MFF: variants seen among roughly 807,000 people sequenced by gnomAD.
The protein encoded by MFF is mitochondrial fission factor.
A neutral mutation model predicts 36.9 loss-of-function variants in MFF; 12 were observed. That is an observed-to-expected ratio of 0.33 (90% CI 0.21 to 0.53). The LOEUF (loss-of-function observed/expected upper bound fraction) is 0.53, where lower values mean the gene tolerates loss of function less well. Among genes scored for constraint, MFF ranks in the 20% least tolerant of loss-of-function variants. The pLI, the probability that MFF is intolerant of heterozygous loss-of-function variation, is 0.95. For synonymous variants in MFF, 99 were observed against 126.2 expected, an observed-to-expected ratio of 0.78 and a Z score of 1.44; for missense variants, 348 against 366.6, an observed-to-expected ratio of 0.95 and a Z score of 0.42.
At chr2:227,356,206 C>T (rs1253142810) in intron 8 of MFF, among the ~76,000 whole-genome samples, 1 of 152,196 alleles carries the variant, frequency 6.6e-6, no homozygotes, top group African/African-American at 2.4e-5. Context: ...AATATGTACT[C>T]CCACAGCCTC....
At chr2:227,355,517 A>T in intron 7 of MFF, 160 bp from the exon 8 acceptor site, 1 of 404,680 alleles carries the variant, frequency 2.5e-6, no homozygotes. Context: ...TCTTTCCTTT[A>T]TTAGTACAAA....
intron 4 of MFF, 82 bp downstream of exon 4, chr2:227,332,670 CT>C: frequency 2.0e-6 from 2 of 1,013,038 alleles, no homozygotes; most frequent in Non-Finnish European, 2.9e-6. Flanking sequence ...TTTATCATAT[CT>C]TTAGCAATAT....
Position 227,339,064 on chromosome 2 carries a change from C to T in MFF, c.352-1228C>T, listed in dbSNP as rs548440779. Among the ~76,000 whole-genome samples the T allele has an allele frequency of 3.5e-4, 53 of 151,480 alleles. No individual in the cohort carries two copies. In the South Asian group the frequency reaches 0.01, roughly 29 times the overall value. Reference sequence around the variant, plus strand: ...ACAAAATACAAAAATTAGCCAGGTGCGGTGGTGTGTGCCTATAGTCCCAGC... The same window carrying T: ...ACAAAATACAAAAATTAGCCAGGTGTGGTGGTGTGTGCCTATAGTCCCAGC... On this transcript the variant is annotated intron_variant, in intron 4 of 8. Coordinates refer to ENST00000304593, the MANE Select transcript of MFF (RefSeq NM_001277062.2).
At chr2:227,333,122 AC>A (rs1246356320) in intron 4 of MFF, among the ~76,000 whole-genome samples, 1 of 152,208 alleles carries the variant, frequency 6.6e-6, no homozygotes, top group African/African-American at 2.4e-5. Flanking sequence ...CTTACAGCTA[AC>A]CTTTGAAGCT....
chr2:227,357,014 T>A lies in MFF; in HGVS notation c.773T>A (p.Leu258His). 6.2e-7 allele frequency: 1 copy of A among 1,613,322 alleles called. No homozygotes were observed. Among genetic ancestry groups the A allele is most frequent in the African/African-American group, 1.3e-5 (1 of 75,050 alleles). Reference sequence around the variant, plus strand: ...ATCAAACTAAATAGACGTCTACAACTTCTGGAAGAGGAGAACAAAGAACGT... The same window carrying A: ...ATCAAACTAAATAGACGTCTACAACATCTGGAAGAGGAGAACAAAGAACGT... ...QIIKLNRRLQ[L>H]LEEENKERAK... The change falls in exon 9 of 9, where the codon CTT (leucine) becomes CAT (histidine). Residue 258 changes from leucine (L) to histidine (H), a missense_variant. By Grantham distance (99) the Leu-to-His change is moderately conservative (BLOSUM62 -3). Transcript: ENST00000304593.
At chr2:227,335,218 C>A (rs2074905122) in intron 4 of MFF, among the ~76,000 whole-genome samples, 1 of 147,546 alleles carries the variant, frequency 6.8e-6, no homozygotes, top group South Asian at 2.1e-4. Flanking sequence ...CATGGATGAA[C>A]CTTGAAAACA....
In MFF at chr2:227,347,226, T is replaced by A. The variant is rs143768116; in HGVS notation, c.441T>A (p.Leu147=). 3.2e-5 allele frequency: 51 copies of A among 1,613,490 alleles called. No homozygotes were observed. The African/African-American group carries it at 6.3e-4, about 20-fold the overall frequency. Residue 147 remains leucine (L), a splice_region_variant and synonymous_variant, in exon 6 of 9, where the codon CTT becomes CTA. Transcript: ENST00000304593. ...QNGQLVRNDS[L]VTPSPQQARV... is the part of the protein sequence containing the mutation. The stretch of plus-strand genomic sequence containing the variant: ...TCATTTGCTGTGCTTGTGTAAACAG[T>A]GTGACACCATCGCCACAACAGGCTC...
chr2:227,328,541 T>C (rs893851761), intron 1 of MFF, 137 bp from the exon 2 acceptor site: 3 of 152,130 alleles, frequency 2.0e-5, no homozygotes, highest in African/African-American at 7.2e-5. Context: ...ATTTTTTTCT[T>C]TCTTTATTTT....
rs1435706736 is a variant in MFF at position 227,328,661 on chromosome 2, C to G, written c.-152-17C>G. On this transcript the variant is annotated splice_polypyrimidine_tract_variant and intron_variant, in intron 1 of 8. Transcript: ENST00000304593. ...TTTCATCTAGTTTCTCAATTAGCCC[C>G]TGTTTTTCTTCCCCAGGGACAAAAG... The G allele has an allele frequency of 6.6e-6, 1 of 152,196 alleles. No homozygotes were observed. Among genetic ancestry groups the G allele is most frequent in the Non-Finnish European group, 1.5e-5 (1 of 68,064 alleles). 9.4% of individuals were successfully genotyped at this position (152,196 alleles called of 1,614,324 possible).
At chr2:227,348,021 T>C (rs2075801504) in intron 6 of MFF, among the ~76,000 whole-genome samples, 1 of 152,228 alleles carries the variant, frequency 6.6e-6, no homozygotes, top group Non-Finnish European at 1.5e-5. Context: ...CAAGTACTTT[T>C]TGTCCTTGCT....
intron 2 of MFF, chr2:227,330,264 A>G: frequency 5.3e-6 from 1 of 190,446 alleles, no homozygotes; most frequent in Non-Finnish European, 1.1e-5. Context: ...CCTCAAATTG[A>G]TGAGGAAATT....
rs769636771 is a variant in MFF at position 227,357,160 on chromosome 2, A to G, written c.*43A>G. 7 of 1,587,088 alleles carry G rather than the reference A, an allele frequency of 4.4e-6. No individual in the cohort carries two copies. In the African/African-American group the frequency reaches 9.5e-5, roughly 22 times the overall value. On this transcript the variant is annotated 3_prime_UTR_variant, in exon 9 of 9. Coordinates refer to ENST00000304593, the MANE Select transcript of MFF (RefSeq NM_001277062.2). ...AAAAATACTGTCTCAACAGCTGGAAATATAAAAGATTTGCAAACTTCTTTG... is the reference window on the plus strand; with the variant it reads ...AAAAATACTGTCTCAACAGCTGGAAGTATAAAAGATTTGCAAACTTCTTTG...
At chr2:227,329,832 A>G in intron 2 of MFF, 1 of 1,356,478 alleles carries the variant, frequency 7.4e-7, no homozygotes, top group Non-Finnish European at 1.1e-6. Flanking sequence ...TTTGAGAGAC[A>G]ATGGCTTTAA....
chr2:227,338,305 G>T (rs1435447294), intron 4 of MFF, among the ~76,000 whole-genome samples: 1 of 150,066 alleles, frequency 6.7e-6, no homozygotes, highest in Non-Finnish European at 1.5e-5. Flanking sequence ...GGAGGTGTAG[G>T]TTGCAGTGAG....
rs752260504 is a variant in MFF, at chr2:227,347,346, A to G, written c.561A>G (p.Ala187=). 6 of 1,613,790 alleles carry G rather than the reference A, an allele frequency of 3.7e-6. No homozygotes were observed. Among genetic ancestry groups the G allele is most frequent in the Non-Finnish European group, 5.1e-6 (6 of 1,179,744 alleles). The part of the protein sequence containing the change: ...LSLIQSSTRR[A]YQQILDVLDE... ...TTATCCAGTCTTCTACTCGTAGGGC[A>G]TACCAGCAGATCTTGGATGTGCTGG... The change falls in exon 6 of 9, where the codon GCA becomes GCG. Residue 187 remains alanine, a synonymous_variant. Transcript: ENST00000304593.
At chr2:227,331,512 C>T (rs942247830) in intron 3 of MFF, among the ~76,000 whole-genome samples, 1 of 152,184 alleles carries the variant, frequency 6.6e-6, no homozygotes, top group Non-Finnish European at 1.5e-5. Context: ...CATATGGTTT[C>T]ATATCTTTAG....
At chr2:227,340,573 A>C in intron 5 of MFF, 193 bp downstream of exon 5, 1 of 533,648 alleles carries the variant, frequency 1.9e-6, no homozygotes, top group South Asian at 2.2e-5. Flanking sequence ...CAGTCACCTT[A>C]TCCTTTCCTG....
At chr2:227,342,576 G>T (rs2075456211) in intron 5 of MFF, among the ~76,000 whole-genome samples, 1 of 152,126 alleles carries the variant, frequency 6.6e-6, no homozygotes, top group South Asian at 2.1e-4. Flanking sequence ...GTGCGAACGG[G>T]TATGAGAGCA....
chr2:227,347,645 C>T (rs990253083), intron 6 of MFF, among the ~76,000 whole-genome samples: 1 of 152,178 alleles, frequency 6.6e-6, no homozygotes, highest in African/African-American at 2.4e-5. Flanking sequence ...CTTTTCTAGC[C>T]TACTCTAAGT....
Sources: allele counts gnomAD v4.1 joint callset (sites outside exome capture counted in the v4.1 genomes callset), GRCh38; gene constraint gnomAD v4.1.1; transcripts MANE v1.5; gene names NCBI Gene and HGNC (gene_info 2026-07-23, HGNC 2026-07-21).